KCNQ1: variants seen among roughly 807,000 people sequenced by gnomAD.
The protein encoded by KCNQ1 is potassium voltage-gated channel subfamily Q member 1.
In KCNQ1, 49 loss-of-function variants were observed where a neutral mutation model predicts 72.4. The ratio of observed to expected loss-of-function variants is 0.68; its 90% confidence interval spans 0.54 to 0.86. The LOEUF (loss-of-function observed/expected upper bound fraction) is 0.86, where lower values mean the gene tolerates loss of function less well. KCNQ1 is among the 40% of genes least tolerant of loss of function. KCNQ1 has a pLI of 0.00. For missense variants in KCNQ1, 790 were observed against 945.1 expected, an observed-to-expected ratio of 0.84 and a Z score of 2.15; for synonymous variants, 450 against 412.6, an observed-to-expected ratio of 1.09 and a Z score of -1.10.
rs1850235567 is a variant in KCNQ1, at chr11:2,673,900, T to C, written c.1514+11819T>C. ...AGCAGGCACAGGAAGGGATGGGAGCTCAGCTCACCGGGTGCTAGACAAGGG... is the reference window on the plus strand; with the variant it reads ...AGCAGGCACAGGAAGGGATGGGAGCCCAGCTCACCGGGTGCTAGACAAGGG... On this transcript the variant is annotated intron_variant, in intron 11 of 15. Transcript: ENST00000155840. This position sits in a 1 kb window ranked among gnomAD's most constrained non-coding sequence, Gnocchi z 4.5. The C allele has an allele frequency of 2.6e-6, 1 of 392,072 alleles. No homozygotes were observed. The highest frequency in any genetic ancestry group is 4.5e-6 in the Non-Finnish European group (1 of 224,130). The allele number at this position is 392,072 out of a possible 1,614,324, so 24.3% of individuals were successfully genotyped here.
chr11:2,646,625 A>G (rs1849670057), intron 10 of KCNQ1: 1 of 398,678 alleles, frequency 2.5e-6, no homozygotes, highest in Non-Finnish European at 4.4e-6. Flanking sequence ...TCCGAGGTTC[A>G]AGTGATCCTC....
chr11:2,512,464 A>G (rs1378887742), intron 1 of KCNQ1, among the ~76,000 whole-genome samples: 1 of 152,162 alleles, frequency 6.6e-6, no homozygotes, highest in South Asian at 2.1e-4. Context: ...CCAGATTTGC[A>G]ATGGGACACA....
chr11:2,668,741 T>G lies in KCNQ1; in HGVS notation c.1514+6660T>G. On this transcript the variant is annotated intron_variant, in intron 11 of 15. Coordinates refer to ENST00000155840, the MANE Select transcript of KCNQ1 (RefSeq NM_000218.3). This position sits in a 1 kb window ranked among gnomAD's most constrained non-coding sequence, Gnocchi z 4.3. ...ACACATTGCAAATATCGCCTCCCCC[T>G]CTGCAGGCTGCCTTCTTCCTCTCTT... 2.5e-6 allele frequency: 1 copy of G among 398,596 alleles called. No homozygotes were observed. Among genetic ancestry groups the G allele is most frequent in the Non-Finnish European group, 4.4e-6 (1 of 226,054 alleles). The allele number at this position is 398,596 out of a possible 1,614,324, so 24.7% of individuals were successfully genotyped here. A position where few individuals can be genotyped will look rare whatever the true frequency, so the allele number is the denominator to read the frequency against.
intron 10 of KCNQ1, chr11:2,638,162 C>A (rs958035686): frequency 6.6e-6 from 1 of 152,136 alleles, no homozygotes; most frequent in African/African-American, 2.4e-5. Flanking sequence ...TTAATTGGAG[C>A]CTTTAGCCTA....
At chr11:2,512,905 C>T (rs949683028) in intron 1 of KCNQ1, among the ~76,000 whole-genome samples, 1 of 152,186 alleles carries the variant, frequency 6.6e-6, no homozygotes, top group African/African-American at 2.4e-5. Context: ...GAGGGTTTTC[C>T]TGGCCCAGGG....
intron 1 of KCNQ1, among the ~76,000 whole-genome samples, chr11:2,456,962 AAAACC>A (rs1245964281): frequency 1.3e-5 from 2 of 150,992 alleles, no homozygotes; most frequent in African/African-American, 4.9e-5. Context: ...AAAAAAAAAA[AAAACC>A]CAAAAAAACA....
chr11:2,755,312 G>A (rs778893489), intron 11 of KCNQ1, among the ~76,000 whole-genome samples: 10 of 152,066 alleles, frequency 6.6e-5, no homozygotes, highest in East Asian at 5.8e-4. Context: ...GTGCACTGGC[G>A]CAATCATAGT....
At position 2,468,897 on chromosome 11, in the gene KCNQ1, C is replaced by A. The variant is rs941453381; in HGVS notation, c.386+23413C>A. Among the ~76,000 whole-genome samples the A allele has an allele frequency of 6.6e-6, 1 of 152,194 alleles. No homozygotes were observed. Among genetic ancestry groups the A allele is most frequent in the African/African-American group, 2.4e-5 (1 of 41,442 alleles). On this transcript the variant is annotated intron_variant, in intron 1 of 15. Transcript: ENST00000155840. This position sits in a 1 kb window ranked among gnomAD's most constrained non-coding sequence, Gnocchi z 5.7. The stretch of plus-strand genomic sequence containing the variant: ...AGCAAATGCTTTTGCTTCTCTTGTG[C>A]AAGCAAGTGGTTGAACTGCTCTGCA...
At chr11:2,721,737 G>A (rs912008762) in intron 11 of KCNQ1, among the ~76,000 whole-genome samples, 6 of 152,194 alleles carry the variant, frequency 3.9e-5, no homozygotes, top group Admixed American at 6.5e-5. Context: ...CGACAGCAGC[G>A]GTGGTGATGG....
chr11:2,823,187 G>C (rs1847772782), intron 15 of KCNQ1, among the ~76,000 whole-genome samples: 1 of 152,096 alleles, frequency 6.6e-6, no homozygotes, highest in Admixed American at 6.5e-5. Flanking sequence ...CAACATTCTA[G>C]AATCTTCTCA....
rs1015420413 is a variant in KCNQ1 at position 2,772,479 on chromosome 11, C to T, written c.1591-3481C>T. 2.0e-5 allele frequency among the ~76,000 whole-genome samples: 3 copies of T among 152,064 alleles called. No individual in the cohort carries two copies. The highest frequency in any genetic ancestry group is 6.6e-5 in the Admixed American group (1 of 15,260). ...ATCTTTCCAGCCCAACCCCAGAGGA[C>T]CACTGGACAAAGGCCCCCGTGAGCC... On this transcript the variant is annotated intron_variant, in intron 12 of 15. Transcript: ENST00000155840. The surrounding 1 kb of genome is among the most constrained non-coding windows in gnomAD (Gnocchi z 6.6).
At chr11:2,699,842 G>A (rs888340880) in intron 11 of KCNQ1, 57 of 397,510 alleles carry the variant, frequency 1.4e-4, no homozygotes, top group Admixed American at 1.3e-3. Context: ...GGAGGACCGC[G>A]CTGAGGGGCG....
In KCNQ1 at chr11:2,595,630, TC is replaced by T. The variant is rs1291165737; in HGVS notation, c.1393+6779del. Among the ~76,000 whole-genome samples the T allele has an allele frequency of 6.6e-6, 1 of 152,130 alleles. No individual in the cohort carries two copies. The highest frequency in any genetic ancestry group is 6.5e-5 in the Admixed American group (1 of 15,270). On this transcript the variant is annotated intron_variant, in intron 10 of 15. Coordinates refer to ENST00000155840, the MANE Select transcript of KCNQ1 (RefSeq NM_000218.3). The surrounding 1 kb of genome is among the most constrained non-coding windows in gnomAD (Gnocchi z 5.0). ...GAGACCTATTGCTCAGACAAAAAGA[TC>T]CCTCTCAAAATGTTACTGCTCATTG... is the stretch of plus-strand genomic sequence containing the variant.
intron 10 of KCNQ1, chr11:2,655,222 C>T (rs953602568): frequency 1.3e-5 from 5 of 398,520 alleles, no homozygotes; most frequent in African/African-American, 6.2e-5. Flanking sequence ...GTAGTCGCCA[C>T]GCCCGAGGCT....
chr11:2,640,647 C>T (rs1849559445), intron 10 of KCNQ1: 4 of 397,710 alleles, frequency 1.0e-5, no homozygotes, highest in African/African-American at 2.1e-5. Flanking sequence ...ATGATCAAGT[C>T]AGGGTATCCA....
chr11:2,655,861 A>G, intron 10 of KCNQ1: 1 of 398,528 alleles, frequency 2.5e-6, no homozygotes, highest in Non-Finnish European at 4.4e-6. Flanking sequence ...TGGAAAAACA[A>G]ATCTGTGGAG....
intron 6 of KCNQ1, among the ~76,000 whole-genome samples, chr11:2,582,982 A>T (rs1221395268): frequency 6.6e-6 from 1 of 151,924 alleles, no homozygotes; most frequent in Non-Finnish European, 1.5e-5. Context: ...GGTGCCCTGG[A>T]GTGGCGTCAG....
rs1848824336 is a variant in KCNQ1, at chr11:2,602,687, AT to A, written c.1393+13834del. On this transcript the variant is annotated intron_variant, in intron 10 of 15. Transcript: ENST00000155840. This position sits in a 1 kb window ranked among gnomAD's most constrained non-coding sequence, Gnocchi z 4.8. ...TTTCCTCATTAGGATGATACTGAACATCTTTTCATGTGCCTGTTTGCCATTT... is the reference window on the plus strand; with the variant it reads ...TTTCCTCATTAGGATGATACTGAACACTTTTCATGTGCCTGTTTGCCATTT... Among the ~76,000 whole-genome samples the A allele has an allele frequency of 6.6e-6, 1 of 152,168 alleles. No homozygotes were observed. The highest frequency in any genetic ancestry group is 1.5e-5 in the Non-Finnish European group (1 of 68,014).
chr11:2,646,751 A>G, intron 10 of KCNQ1: 1 of 398,622 alleles, frequency 2.5e-6, no homozygotes, highest in Non-Finnish European at 4.4e-6. Context: ...CCTGGGCTCA[A>G]GCAATCCACC....
Sources: allele counts gnomAD v4.1 joint callset (sites outside exome capture counted in the v4.1 genomes callset), GRCh38; gene constraint gnomAD v4.1.1; non-coding constraint Gnocchi (gnomAD v3.1); transcripts MANE v1.5; gene names NCBI Gene and HGNC (gene_info 2026-07-23, HGNC 2026-07-21).